Variants in RBMS3 observed in about 807,000 individuals in gnomAD.
The protein encoded by RBMS3 is RNA binding motif single stranded interacting protein 3.
RBMS3 carries 27 observed loss-of-function variants against 66.8 expected under a neutral mutation model. The observed-to-expected ratio is 0.40, with a 90% CI of 0.30 to 0.56. The LOEUF (loss-of-function observed/expected upper bound fraction) is 0.56, where lower values mean the gene tolerates loss of function less well. Ranked by LOEUF, RBMS3 falls within the 20% of genes least tolerant of loss-of-function variation. RBMS3 has a pLI of 0.40. For missense variants in RBMS3, 513 were observed against 549.5 expected, an observed-to-expected ratio of 0.93 and a Z score of 0.66; for synonymous variants, 188 against 183.0, an observed-to-expected ratio of 1.03 and a Z score of -0.22.
intron 2 of RBMS3, among the ~76,000 whole-genome samples, chr3:29,472,856 C>T (rs911448229): frequency 6.6e-6 from 1 of 152,102 alleles, no homozygotes; most frequent in Non-Finnish European, 1.5e-5. Context: ...GAAGGGGTCC[C>T]AAGCGGTTGC....
intron 12 of RBMS3, among the ~76,000 whole-genome samples, chr3:29,946,007 C>T (rs1317860408): frequency 2.0e-5 from 3 of 151,638 alleles, no homozygotes; most frequent in Non-Finnish European, 4.4e-5. Flanking sequence ...CCTAGGTTCC[C>T]AGCAGTGGAG....
chr3:29,912,591 G>T (rs2060543471), intron 10 of RBMS3, among the ~76,000 whole-genome samples: 1 of 151,974 alleles, frequency 6.6e-6, no homozygotes, highest in Admixed American at 6.6e-5. Context: ...GTCTTAATTG[G>T]CAGTTACATC....
chr3:29,504,383 A>G (rs1478118613), intron 3 of RBMS3, among the ~76,000 whole-genome samples: 1 of 152,156 alleles, frequency 6.6e-6, no homozygotes, highest in Non-Finnish European at 1.5e-5. Flanking sequence ...TGATTGGTCT[A>G]TGAGAAGGCA....
chr3:29,746,470 G>GT (rs140177864), intron 5 of RBMS3, among the ~76,000 whole-genome samples: 1,671 of 152,300 alleles, frequency 0.011, 33 homozygotes, highest in African/African-American at 0.039. Context: ...AAGGTTGTAT[G>GT]TTTCATTCTT....
chr3:29,300,706 A>G (rs527942033), intron 1 of RBMS3, among the ~76,000 whole-genome samples: 1 of 152,064 alleles, frequency 6.6e-6, no homozygotes, highest in South Asian at 2.1e-4. Flanking sequence ...ATATGCATTG[A>G]TTATCACTGC....
At chr3:29,315,451 C>T (rs535356632) in intron 1 of RBMS3, among the ~76,000 whole-genome samples, 1 of 151,888 alleles carries the variant, frequency 6.6e-6, no homozygotes, top group African/African-American at 2.4e-5. Context: ...CATGTACACA[C>T]ATACATATAT....
intron 6 of RBMS3, among the ~76,000 whole-genome samples, chr3:29,791,447 CAGT>C (rs986293092): frequency 1.8e-4 from 27 of 152,166 alleles, no homozygotes; most frequent in Admixed American, 1.8e-3. Flanking sequence ...AAAGAACAAA[CAGT>C]GGTGTGCTTT....
intron 3 of RBMS3, among the ~76,000 whole-genome samples, chr3:29,574,727 TTG>T (rs1300949432): frequency 6.6e-6 from 1 of 150,622 alleles, no homozygotes; most frequent in Non-Finnish European, 1.5e-5. Flanking sequence ...TGTGTATCCA[TTG>T]TGTGTTTTTT....
intron 1 of RBMS3, among the ~76,000 whole-genome samples, chr3:29,330,149 T>C (rs2035569586): frequency 6.6e-6 from 1 of 152,044 alleles, no homozygotes; most frequent in South Asian, 2.1e-4. Context: ...AAAACAGATC[T>C]AACACTTGCA....
intron 2 of RBMS3, among the ~76,000 whole-genome samples, chr3:29,465,755 G>A (rs112090042): frequency 3.3e-5 from 5 of 152,212 alleles, no homozygotes; most frequent in African/African-American, 1.2e-4. Context: ...TCATAGTATT[G>A]ACTTTCTAAA....
chr3:29,961,626 G>T lies in RBMS3; in HGVS notation c.1098+17372G>T, dbSNP rs542857002. Among the ~76,000 whole-genome samples the T allele has an allele frequency of 2.2e-3, 342 of 152,186 alleles. 1 individual carries two copies. Among genetic ancestry groups the T allele is most frequent in the African/African-American group, 7.8e-3 (323 of 41,506 alleles). On this transcript the variant is annotated intron_variant, in intron 12 of 14. Coordinates refer to ENST00000383767, the MANE Select transcript of RBMS3 (RefSeq NM_001003793.3). Reference sequence around the variant, plus strand: ...CCTCGGGAAACTTACAACAATCATGGTGGAAGGTGAAGGAAATATATCCTT... The same window carrying T: ...CCTCGGGAAACTTACAACAATCATGTTGGAAGGTGAAGGAAATATATCCTT...
intron 12 of RBMS3, among the ~76,000 whole-genome samples, chr3:29,944,615 G>T (rs1019192662): frequency 6.6e-5 from 10 of 151,482 alleles, no homozygotes; most frequent in Non-Finnish European, 1.2e-4. Context: ...AGCAAAAGAC[G>T]GCACAGATTA....
chr3:29,506,396 G>A (rs1243701851), intron 3 of RBMS3, among the ~76,000 whole-genome samples: 6 of 151,964 alleles, frequency 3.9e-5, no homozygotes, highest in Non-Finnish European at 8.8e-5. Flanking sequence ...ATTTATGTAT[G>A]TTGAACCACC....
At position 29,638,846 on chromosome 3, in the gene RBMS3, TTTG is replaced by T. The variant is rs199935362; in HGVS notation, c.399+51648_399+51650del. On this transcript the variant is annotated intron_variant, in intron 4 of 14. Transcript: ENST00000383767. ...TAGGCATTACTGTATTAGGTATATTTTTGTTGTTGATCAGACATTGCTTCGAGC... is the reference window on the plus strand; with the variant it reads ...TAGGCATTACTGTATTAGGTATATTTTTGTTGATCAGACATTGCTTCGAGC... Among the ~76,000 whole-genome samples the T allele has an allele frequency of 4.2e-3, 638 of 151,986 alleles. 7 individuals are homozygous for T. The highest frequency in any genetic ancestry group is 0.015 in the African/African-American group (614 of 41,512).
chr3:29,927,065 C>A (rs547770359), intron 10 of RBMS3: 1 of 152,156 alleles, frequency 6.6e-6, no homozygotes, highest in Non-Finnish European at 1.5e-5. Flanking sequence ...GAAATCATGT[C>A]GTGAACTCCA....
chr3:29,288,278 C>G (rs1307088020), intron 1 of RBMS3, among the ~76,000 whole-genome samples: 1 of 151,982 alleles, frequency 6.6e-6, no homozygotes, highest in African/African-American at 2.4e-5. Context: ...TTCTTTTGTT[C>G]CCAGATGCTT....
At chr3:29,594,129 A>T (rs970805019) in intron 4 of RBMS3, among the ~76,000 whole-genome samples, 1 of 152,176 alleles carries the variant, frequency 6.6e-6, no homozygotes, top group African/African-American at 2.4e-5. Flanking sequence ...CTTTAGTGAG[A>T]TAGCATCTTT....
At chr3:29,655,259 G>A (rs2050286508) in intron 4 of RBMS3, among the ~76,000 whole-genome samples, 1 of 152,178 alleles carries the variant, frequency 6.6e-6, no homozygotes, top group Admixed American at 6.5e-5. Context: ...TGGAAAGAGA[G>A]CTGGTCCATT....
chr3:29,313,386 T>G (rs763322950), intron 1 of RBMS3, among the ~76,000 whole-genome samples: 1 of 151,720 alleles, frequency 6.6e-6, no homozygotes, highest in Non-Finnish European at 1.5e-5. Flanking sequence ...AATTCCACAA[T>G]AACTACATTT....
Sources: gnomAD v4.1 joint callset for allele counts (sites outside exome capture counted in the v4.1 genomes callset) on GRCh38, gnomAD v4.1.1 for gene constraint, MANE v1.5 for transcripts, NCBI Gene and HGNC (gene_info 2026-07-23, HGNC 2026-07-21) for gene names.